RGS22: variants seen among roughly 807,000 people sequenced by gnomAD.
RGS22 encodes regulator of G protein signaling 22.
A neutral mutation model predicts 172.9 loss-of-function variants in RGS22; 148 were observed. The ratio of observed to expected loss-of-function variants is 0.86; its 90% CI spans 0.75 to 0.98. The LOEUF (loss-of-function observed/expected upper bound fraction) is 0.98. Ranked by LOEUF, RGS22 falls within the 50% of genes least tolerant of loss-of-function variation. RGS22 has a pLI of 0.00. For synonymous variants in RGS22, 458 were observed against 480.2 expected (o/e 0.95, Z 0.60); for missense variants, 1,347 against 1,440.8 (o/e 0.93, Z 1.05).
At chr8:99,999,552 C>T (rs931298639) in intron 18 of RGS22, 132 bp from the exon 19 acceptor site, 4 of 791,456 alleles carry the variant, frequency 5.1e-6, no homozygotes, top group Non-Finnish European at 8.0e-6. Context: ...TTCTGTATAA[C>T]ATCTCCTGGC....
chr8:100,094,081 C>T (rs1812785356), intron 2 of RGS22, among the ~76,000 whole-genome samples: 1 of 152,160 alleles, frequency 6.6e-6, no homozygotes, highest in Non-Finnish European at 1.5e-5. Context: ...TGCATGTGTT[C>T]TAAGAATAAA....
chr8:99,977,270 A>ATTTCTTTTTTTTT (rs1428079850), intron 23 of RGS22, among the ~76,000 whole-genome samples: 1 of 120,390 alleles, frequency 8.3e-6, no homozygotes, highest in Non-Finnish European at 1.7e-5. Context: ...CGCCCGGTTA[A>ATTTCTTTTTTTTT]TTTTTTTTTT....
chr8:100,011,960 CAG>C lies in RGS22; in HGVS notation c.2167-3393_2167-3392del, dbSNP rs1241716700. Among the ~76,000 whole-genome samples the C allele has an allele frequency of 2.6e-5, 4 of 151,758 alleles. No individual in the cohort carries two copies. The East Asian group carries it at 7.7e-4, about 29-fold the overall frequency. ...ATAAAATGATAATAACGAATAAAGT[CAG>C]AAGAAATAGTAAAAGAACCTGAGAA... On this transcript the variant is annotated intron_variant, in intron 14 of 27. Coordinates refer to ENST00000360863, the MANE Select transcript of RGS22 (RefSeq NM_015668.5).
intron 4 of RGS22, among the ~76,000 whole-genome samples, chr8:100,079,708 C>T (rs1295950149): frequency 6.6e-6 from 1 of 152,076 alleles, no homozygotes; most frequent in Non-Finnish European, 1.5e-5. Context: ...AATCCAGAAG[C>T]TGAAAATGAA....
intron 9 of RGS22, among the ~76,000 whole-genome samples, chr8:100,061,071 T>C (rs540437402): frequency 1.3e-4 from 20 of 152,246 alleles, no homozygotes; most frequent in South Asian, 2.1e-4. Context: ...GGGGAAAGAA[T>C]TCCCTATTCA....
intron 14 of RGS22, among the ~76,000 whole-genome samples, chr8:100,031,592 T>TAAACATGTTTA (rs2131540232): frequency 6.6e-6 from 1 of 152,226 alleles, no homozygotes; most frequent in South Asian, 2.1e-4. Context: ...TGTGTGTACT[T>TAAACATGTTTA]AAACATGTTT....
intron 9 of RGS22, among the ~76,000 whole-genome samples, chr8:100,053,916 G>A (rs966731567): frequency 2.0e-5 from 3 of 152,196 alleles, no homozygotes; most frequent in Admixed American, 6.5e-5. Context: ...TTACAGGCGT[G>A]AGCCACTGCG....
At chr8:99,972,946 A>G (rs529316976) in intron 23 of RGS22, among the ~76,000 whole-genome samples, 1 of 148,144 alleles carries the variant, frequency 6.8e-6, no homozygotes, top group East Asian at 2.0e-4. Context: ...AGGCAGGAGA[A>G]TGGTGTGAAC....
chr8:99,974,490 T>C (rs1811706531), intron 23 of RGS22, among the ~76,000 whole-genome samples: 1 of 152,156 alleles, frequency 6.6e-6, no homozygotes, highest in Non-Finnish European at 1.5e-5. Context: ...AAAAAAAGAT[T>C]AAAACTGCAT....
chr8:99,996,420 A>G, intron 20 of RGS22, 42 bp downstream of exon 20: 2 of 1,530,440 alleles, frequency 1.3e-6, no homozygotes, highest in Non-Finnish European at 1.8e-6. Flanking sequence ...ACTTTGACAG[A>G]GCAAAACTTA....
intron 14 of RGS22, among the ~76,000 whole-genome samples, chr8:100,038,098 T>G (rs908299059): frequency 4.6e-5 from 7 of 152,214 alleles, no homozygotes; most frequent in African/African-American, 1.7e-4. Context: ...GGGGAGGTCC[T>G]CTGGAATGCA....
At chr8:99,977,093 T>G (rs1812036578) in intron 23 of RGS22, among the ~76,000 whole-genome samples, 1 of 151,864 alleles carries the variant, frequency 6.6e-6, no homozygotes, top group Non-Finnish European at 1.5e-5. Flanking sequence ...CATTTCACAA[T>G]GTATCATTCT....
intron 2 of RGS22, among the ~76,000 whole-genome samples, chr8:100,104,346 G>A (rs1425054404): frequency 1.1e-3 from 167 of 146,276 alleles, no homozygotes; most frequent in Non-Finnish European, 2.0e-3. Context: ...GTGTGTGTGT[G>A]TGTGTGTGTG....
intron 21 of RGS22, among the ~76,000 whole-genome samples, chr8:99,983,147 A>T (rs1033406725): frequency 3.3e-5 from 5 of 152,074 alleles, no homozygotes; most frequent in Non-Finnish European, 4.4e-5. Flanking sequence ...TCATTTTTTT[A>T]TGGCTATGTA....
In RGS22 at chr8:100,039,050, A is replaced by T; in HGVS notation, c.2065-18T>A. On this transcript the variant is annotated intron_variant, in intron 13 of 27. Transcript: ENST00000360863. The stretch of plus-strand genomic sequence containing the variant: ...TTCCACAACTACAGATGGAAAAAGT[A>T]CATAAATTATTACCACCCAATTATT... The T allele has an allele frequency of 6.9e-7, 1 of 1,442,746 alleles. No homozygotes were observed. Among genetic ancestry groups the T allele is most frequent in the Non-Finnish European group, 9.6e-7 (1 of 1,036,504 alleles). 89.4% of individuals were successfully genotyped at this position (1,442,746 alleles called of 1,614,324 possible).
At chr8:99,978,279 A>T (rs957059951) in intron 22 of RGS22, among the ~76,000 whole-genome samples, 4 of 151,282 alleles carry the variant, frequency 2.6e-5, no homozygotes, top group South Asian at 2.1e-4. Flanking sequence ...TCTTTCTTTT[A>T]AAAAAAAATA....
chr8:99,977,679 G>A (rs1017570695), intron 23 of RGS22, among the ~76,000 whole-genome samples: 6 of 152,114 alleles, frequency 3.9e-5, no homozygotes, highest in Admixed American at 1.3e-4. Context: ...TGCAGCGGAT[G>A]CAAGCTGCTT....
rs767158685 is a variant in RGS22, at chr8:99,962,773, C to T, written c.3710-6G>A. On this transcript the variant is annotated splice_region_variant and splice_polypyrimidine_tract_variant and intron_variant, in intron 25 of 27. Transcript: ENST00000360863. ...ATTTGTGAGAGGTTGCAAGCCTGCA[C>T]AAAAATAAAAGAGATAAGAAAAACA... The T allele has an allele frequency of 2.3e-5, 37 of 1,602,838 alleles. No homozygotes were observed. Among genetic ancestry groups the T allele is most frequent in the South Asian group, 3.4e-5 (3 of 88,630 alleles).
chr8:100,090,378 G>A (rs1397049977), intron 3 of RGS22, among the ~76,000 whole-genome samples: 4 of 152,046 alleles, frequency 2.6e-5, no homozygotes, highest in Admixed American at 2.6e-4. Flanking sequence ...GTGGGCTAGG[G>A]GAGGCAGGAA....
Sources: allele counts gnomAD v4.1 joint callset (sites outside exome capture counted in the v4.1 genomes callset), GRCh38; gene constraint gnomAD v4.1.1; transcripts MANE v1.5; gene names NCBI Gene and HGNC (gene_info 2026-07-23, HGNC 2026-07-21).